The following TMEM108 variants were observed in gnomAD, a reference collection of about 807,000 sequenced individuals.
TMEM108 encodes cancer/testis antigen 124.
A neutral mutation model predicts 35.1 loss-of-function variants in TMEM108; 12 were observed. The ratio of observed to expected loss-of-function variants is 0.34; its 90% CI spans 0.22 to 0.55. The LOEUF (loss-of-function observed/expected upper bound fraction) is 0.55, where lower values mean the gene tolerates loss of function less well. TMEM108 is among the 20% of genes least tolerant of loss of function. The pLI, the probability that TMEM108 is intolerant of heterozygous loss-of-function variation, is 0.89. For synonymous variants in TMEM108, 287 were observed against 308.6 expected (o/e 0.93, Z 0.73); for missense variants, 680 against 753.3 (o/e 0.90, Z 1.14).
chr3:133,207,954 C>T (rs770844469), intron 2 of TMEM108, among the ~76,000 whole-genome samples: 2 of 152,156 alleles, frequency 1.3e-5, no homozygotes, highest in Non-Finnish European at 2.9e-5. Context: ...TAGCATGTTA[C>T]AATTGAAAGG....
chr3:133,383,240 ACCAG>A (rs761796849), intron 4 of TMEM108, among the ~76,000 whole-genome samples: 108 of 152,270 alleles, frequency 7.1e-4, no homozygotes, highest in Non-Finnish European at 7.6e-4. Context: ...TCCATCTTAG[ACCAG>A]CCAGAGACAT....
chr3:133,041,679 A>T (rs1943278030), intron 1 of TMEM108: 1 of 151,968 alleles, frequency 6.6e-6, no homozygotes, highest in Admixed American at 6.6e-5. Context: ...CAAGCATCAT[A>T]GCATAGGCTT....
rs74574691 is a variant in TMEM108 at position 133,192,168 on chromosome 3, C to T, written c.-46-37098C>T. Among the ~76,000 whole-genome samples the T allele has an allele frequency of 6.1e-3, 923 of 152,280 alleles. 9 individuals are homozygous for T. The highest frequency in any genetic ancestry group is 0.021 in the African/African-American group (877 of 41,536). ...GTTACAATTGCAAGGGAAGGATACA[C>T]TGAGGTTTATTTCCTAGTAAGATGT... is the stretch of plus-strand genomic sequence containing the variant. On this transcript the variant is annotated intron_variant, in intron 2 of 5. Transcript: ENST00000321871.
chr3:133,177,404 CA>C (rs1293212987), intron 2 of TMEM108, among the ~76,000 whole-genome samples: 1 of 151,986 alleles, frequency 6.6e-6, no homozygotes, highest in Non-Finnish European at 1.5e-5. Flanking sequence ...AACATTGATG[CA>C]AAAAATCCTC....
chr3:133,043,577 G>A (rs573805378), intron 1 of TMEM108, among the ~76,000 whole-genome samples: 7 of 152,094 alleles, frequency 4.6e-5, no homozygotes, highest in South Asian at 4.2e-4. Context: ...TCAAATTCAT[G>A]TTGCTTTATT....
chr3:133,326,668 C>G (rs2071337239), intron 3 of TMEM108, among the ~76,000 whole-genome samples: 1 of 152,090 alleles, frequency 6.6e-6, no homozygotes, highest in African/African-American at 2.4e-5. Context: ...ATCTGTCTTC[C>G]CCACTGGACT....
intron 2 of TMEM108, among the ~76,000 whole-genome samples, chr3:133,074,681 G>A (rs1166745554): frequency 6.6e-6 from 1 of 152,150 alleles, no homozygotes; most frequent in African/African-American, 2.4e-5. Flanking sequence ...TAGAGATGGG[G>A]TTTTGCCATG....
chr3:133,387,293 G>A, intron 4 of TMEM108: 1 of 985,412 alleles, frequency 1.0e-6, no homozygotes, highest in Non-Finnish European at 1.2e-6. Context: ...CTTTCCAGGT[G>A]GAATACATGG....
At chr3:133,265,830 A>G (rs545792442) in intron 3 of TMEM108, among the ~76,000 whole-genome samples, 8 of 152,330 alleles carry the variant, frequency 5.3e-5, no homozygotes, top group African/African-American at 1.9e-4. Flanking sequence ...AAAATTTAAC[A>G]TTATGCTTTT....
intron 3 of TMEM108, among the ~76,000 whole-genome samples, chr3:133,324,194 C>T (rs1409620828): frequency 6.6e-6 from 1 of 152,102 alleles, no homozygotes; most frequent in Non-Finnish European, 1.5e-5. Flanking sequence ...AACTAAAAAC[C>T]TTCTGTACAG....
chr3:133,135,715 GAAGAA>G, intron 2 of TMEM108, among the ~76,000 whole-genome samples: 1 of 152,310 alleles, frequency 6.6e-6, no homozygotes, highest in African/African-American at 2.4e-5. Flanking sequence ...ATAATGAAGA[GAAGAA>G]AAGAAATTTT....
chr3:133,344,049 C>G (rs1200061861), intron 3 of TMEM108, among the ~76,000 whole-genome samples: 1 of 151,846 alleles, frequency 6.6e-6, no homozygotes, highest in Non-Finnish European at 1.5e-5. Context: ...AAACCAGTCC[C>G]TGGTGCCAAA....
intron 3 of TMEM108, among the ~76,000 whole-genome samples, chr3:133,277,801 G>C (rs1223874657): frequency 6.6e-6 from 1 of 152,142 alleles, no homozygotes; most frequent in Non-Finnish European, 1.5e-5. Context: ...AATTAAATAT[G>C]TCTTTGTTTC....
intron 3 of TMEM108, among the ~76,000 whole-genome samples, chr3:133,316,851 C>T (rs1397235468): frequency 6.6e-6 from 1 of 152,142 alleles, no homozygotes; most frequent in Non-Finnish European, 1.5e-5. Flanking sequence ...ATTGAAAGGC[C>T]AGACAGACCG....
At chr3:133,300,940 A>G (rs1159125800) in intron 3 of TMEM108, among the ~76,000 whole-genome samples, 1 of 97,984 alleles carries the variant, frequency 1.0e-5, no homozygotes, top group African/African-American at 3.1e-5. Flanking sequence ...GCGTAAGAAT[A>G]AAGAAAAAAA....
chr3:133,075,021 C>T (rs1943723719), intron 2 of TMEM108, among the ~76,000 whole-genome samples: 1 of 152,060 alleles, frequency 6.6e-6, no homozygotes, highest in African/African-American at 2.4e-5. Context: ...TTTTTTCCCA[C>T]TAAGCCTTGC....
intron 2 of TMEM108, among the ~76,000 whole-genome samples, chr3:133,076,019 AAGG>A (rs1000473859): frequency 1.3e-5 from 2 of 152,122 alleles, no homozygotes; most frequent in African/African-American, 2.4e-5. Flanking sequence ...GGTCCAAAAG[AAGG>A]AGGAGATGAT....
At chr3:133,128,217 AG>A (rs1188992806) in intron 2 of TMEM108, among the ~76,000 whole-genome samples, 2 of 152,216 alleles carry the variant, frequency 1.3e-5, no homozygotes, top group Non-Finnish European at 2.9e-5. Flanking sequence ...GGCACTTGCA[AG>A]GGACATCACT....
At chr3:133,318,862 G>C (rs571395525) in intron 3 of TMEM108, among the ~76,000 whole-genome samples, 39 of 145,132 alleles carry the variant, frequency 2.7e-4, no homozygotes, top group Non-Finnish European at 5.2e-4. Flanking sequence ...GAGCATAACA[G>C]GAAAACCAAA....
Sources: allele counts gnomAD v4.1 joint callset (sites outside exome capture counted in the v4.1 genomes callset), GRCh38; gene constraint gnomAD v4.1.1; transcripts MANE v1.5; gene names NCBI Gene and HGNC (gene_info 2026-07-23, HGNC 2026-07-21).